Variants in AVL9 observed in about 807,000 individuals in gnomAD.
The protein encoded by AVL9 is late secretory pathway protein AVL9 homolog.
Under a neutral mutation model 79.2 loss-of-function variants are expected in AVL9, and 49 were observed. The observed-to-expected ratio is 0.62, with a 90% confidence interval of 0.49 to 0.79. AVL9 has a LOEUF of 0.79. Ranked by LOEUF, AVL9 falls within the 30% of genes least tolerant of loss-of-function variation. The pLI, the probability that AVL9 is intolerant of heterozygous loss-of-function variation, is 0.00. For synonymous variants in AVL9, 299 were observed against 280.6 expected (o/e 1.07, Z -0.65); for missense variants, 682 against 776.8 (o/e 0.88, Z 1.45).
At chr7:32,541,805 C>T (rs565124837) in intron 1 of AVL9, among the ~76,000 whole-genome samples, 81 of 151,958 alleles carry the variant, frequency 5.3e-4, no homozygotes, top group African/African-American at 1.8e-3. Context: ...ACCTCCACCT[C>T]CTGGGTTCAA....
Position 32,584,150 on chromosome 7 carries a change from AACATAC to A in AVL9, c.*245_*250del. 1.9e-6 allele frequency: 1 copy of A among 533,336 alleles called. No homozygotes were observed. Among genetic ancestry groups the A allele is most frequent in the Non-Finnish European group, 3.5e-6 (1 of 289,096 alleles). 33.0% of individuals were successfully genotyped at this position (533,336 alleles called of 1,614,324 possible). A position where few individuals can be genotyped will look rare whatever the true frequency, so the allele number is the denominator to read the frequency against. On this transcript the variant is annotated 3_prime_UTR_variant, in exon 16 of 16. Transcript: ENST00000318709. Reference sequence around the variant, plus strand: ...TTTATTTCAGTCTGAGCCTGATTAAAACATACAGTGAACCTTCTAATGAATTTTGAG... The same window carrying A: ...TTTATTTCAGTCTGAGCCTGATTAAAAGTGAACCTTCTAATGAATTTTGAG...
At chr7:32,540,629 C>A (rs1789135973) in intron 1 of AVL9, among the ~76,000 whole-genome samples, 1 of 151,974 alleles carries the variant, frequency 6.6e-6, no homozygotes, top group South Asian at 2.1e-4. Flanking sequence ...AGTATAAAAC[C>A]CTGAGCCTTA....
intron 3 of AVL9, among the ~76,000 whole-genome samples, chr7:32,548,173 A>C (rs1392441027): frequency 8.8e-5 from 2 of 22,712 alleles, no homozygotes; most frequent in Non-Finnish European, 2.0e-4. Context: ...TTTGAGACGG[A>C]GTCTCACTCT....
chr7:32,510,377 C>T (rs1001648115), intron 1 of AVL9, among the ~76,000 whole-genome samples: 2 of 151,140 alleles, frequency 1.3e-5, no homozygotes, highest in African/African-American at 2.4e-5. Context: ...AACCATCTCC[C>T]CAGGGTAAGA....
chr7:32,559,260 T>C lies in AVL9; in HGVS notation c.1011T>C (p.Ser337=). ...GTGACTGGGAAACTTTGGATCCTAGTGTCTTAGAGGACCCCAACTTGAAAG... is the reference window on the plus strand; with the variant it reads ...GTGACTGGGAAACTTTGGATCCTAGCGTCTTAGAGGACCCCAACTTGAAAG... ...SESDWETLDP[S]VLEDPNLKER... The change falls in exon 10 of 16, where the codon AGT becomes AGC. Residue 337 remains serine, a synonymous_variant. Transcript: ENST00000318709. 1 of 1,614,228 alleles carries C rather than the reference T, an allele frequency of 6.2e-7. No homozygotes were observed. Among genetic ancestry groups the C allele is most frequent in the Non-Finnish European group, 8.5e-7 (1 of 1,180,036 alleles).
chr7:32,548,725 CTT>C, intron 3 of AVL9, 120 bp from the exon 4 acceptor site: 1 of 648,124 alleles, frequency 1.5e-6, no homozygotes, highest in Non-Finnish European at 2.4e-6. Flanking sequence ...TAATAAAAAA[CTT>C]TTTGAATTTA....
intron 1 of AVL9, among the ~76,000 whole-genome samples, chr7:32,510,285 C>T (rs1787604098): frequency 6.6e-6 from 1 of 151,506 alleles, no homozygotes; most frequent in African/African-American, 2.4e-5. Flanking sequence ...AGCCATCTCT[C>T]CAAGGTGAGA....
chr7:32,549,111 A>C (rs1327336771), intron 4 of AVL9, among the ~76,000 whole-genome samples, 193 bp downstream of exon 4: 1 of 151,974 alleles, frequency 6.6e-6, no homozygotes, highest in Non-Finnish European at 1.5e-5. Flanking sequence ...AAGAGAAAGG[A>C]GATCTTATAG....
chr7:32,529,447 G>C (rs1308770996), intron 1 of AVL9, among the ~76,000 whole-genome samples: 1 of 152,164 alleles, frequency 6.6e-6, no homozygotes, highest in Non-Finnish European at 1.5e-5. Context: ...CTCCATTCTG[G>C]TTTGGTCTGG....
intron 3 of AVL9, among the ~76,000 whole-genome samples, chr7:32,545,311 G>A (rs1301961910): frequency 2.1e-5 from 3 of 146,090 alleles, no homozygotes; most frequent in African/African-American, 7.5e-5. Context: ...AGTGGAACGT[G>A]CTTAGAGGGG....
intron 14 of AVL9, 151 bp downstream of exon 14, chr7:32,580,423 T>C: frequency 1.5e-6 from 1 of 658,324 alleles, no homozygotes; most frequent in Non-Finnish European, 2.6e-6. Context: ...AGCTCAGCAG[T>C]GTGTATGTTT....
intron 1 of AVL9, among the ~76,000 whole-genome samples, chr7:32,500,963 A>G (rs1012057787): frequency 5.3e-5 from 8 of 152,274 alleles, no homozygotes; most frequent in Admixed American, 6.5e-5. Context: ...CCGTTGGTCT[A>G]TATGTCTAAA....
chr7:32,541,807 T>C (rs1789222931), intron 1 of AVL9, among the ~76,000 whole-genome samples: 1 of 151,646 alleles, frequency 6.6e-6, no homozygotes, highest in African/African-American at 2.4e-5. Context: ...CTCCACCTCC[T>C]GGGTTCAAGC....
intron 1 of AVL9, among the ~76,000 whole-genome samples, chr7:32,530,818 TG>T (rs1788613873): frequency 1.3e-5 from 2 of 152,132 alleles, no homozygotes; most frequent in Non-Finnish European, 2.9e-5. Context: ...TAGCTGGGCA[TG>T]GTGGCATGTG....
rs772701750 is a variant in AVL9 at position 32,544,763 on chromosome 7, G to A, written c.284G>A (p.Arg95Gln). Residue 95 changes from arginine (R) to glutamine (Q), a missense_variant, in exon 3 of 16, where the codon CGA (arginine) becomes CAA (glutamine). Physicochemically the swap from Arg to Gln is conservative, Grantham distance 43. Transcript: ENST00000318709. ...GATVFGISCYRQIEAKALKVR... is the reference protein window; with the variant it reads ...GATVFGISCYQQIEAKALKVR... ...ACAGTATTTGGTATCTCTTGCTATC[G>A]ACAAATTGAAGCCAAGGTACGATAG... 1.3e-5 allele frequency: 21 copies of A among 1,613,042 alleles called. No homozygotes were observed. The highest frequency in any genetic ancestry group is 3.3e-4 in the Middle Eastern group (2 of 6,080).
intron 1 of AVL9, among the ~76,000 whole-genome samples, chr7:32,542,004 G>A (rs868855570): frequency 4.6e-5 from 7 of 151,996 alleles, no homozygotes; most frequent in African/African-American, 1.5e-4. Context: ...GTGAGCCACC[G>A]TGCCCAGCCA....
intron 1 of AVL9, chr7:32,536,965 A>G (rs1445138065): frequency 6.6e-6 from 1 of 152,256 alleles, no homozygotes; most frequent in Non-Finnish European, 1.5e-5. Flanking sequence ...TGATGTGTTC[A>G]ACAACCCAGG....
chr7:32,497,910 C>G (rs1786929735), intron 1 of AVL9, among the ~76,000 whole-genome samples: 1 of 152,200 alleles, frequency 6.6e-6, no homozygotes, highest in South Asian at 2.1e-4. Flanking sequence ...CTCGGCCTCC[C>G]AAAGTGCTGG....
intron 1 of AVL9, among the ~76,000 whole-genome samples, chr7:32,526,649 A>G (rs1053259843): frequency 3.9e-5 from 6 of 152,104 alleles, no homozygotes; most frequent in Non-Finnish European, 7.4e-5. Context: ...CCCAGTTTGG[A>G]GGGTGCATCC....
Sources: gnomAD v4.1 joint callset for allele counts (sites outside exome capture counted in the v4.1 genomes callset) on GRCh38, gnomAD v4.1.1 for gene constraint, MANE v1.5 for transcripts, NCBI Gene and HGNC (gene_info 2026-07-23, HGNC 2026-07-21) for gene names.